LRMDA: variants seen among roughly 807,000 people sequenced by gnomAD.
LRMDA encodes the protein leucine rich melanocyte differentiation associated.
A neutral mutation model predicts 29.8 loss-of-function variants in LRMDA; 18 were observed. The observed-to-expected ratio is 0.60, with a 90% CI of 0.42 to 0.90. The LOEUF (loss-of-function observed/expected upper bound fraction) is 0.90, where lower values mean the gene tolerates loss of function less well. LRMDA is among the 40% of genes least tolerant of loss of function. The pLI, the probability that LRMDA is intolerant of heterozygous loss-of-function variation, is 0.00. For missense variants in LRMDA, 273 were observed against 273.9 expected, an observed-to-expected ratio of 1.00 and a Z score of 0.02; for synonymous variants, 125 against 109.4, an observed-to-expected ratio of 1.14 and a Z score of -0.89.
intron 2 of LRMDA, among the ~76,000 whole-genome samples, chr10:75,499,276 C>T (rs1483449992): frequency 6.6e-6 from 1 of 152,182 alleles, no homozygotes; most frequent in African/African-American, 2.4e-5. Flanking sequence ...TACAGCTATC[C>T]TTGCCTAGTC....
chr10:76,257,692 G>GA (rs1368638197), intron 5 of LRMDA, among the ~76,000 whole-genome samples: 1 of 152,202 alleles, frequency 6.6e-6, no homozygotes, highest in East Asian at 1.9e-4. Context: ...TCAAATTGCT[G>GA]AAAAAATATG....
intron 2 of LRMDA, among the ~76,000 whole-genome samples, chr10:75,711,540 C>T (rs1296269422): frequency 2.0e-5 from 3 of 152,096 alleles, no homozygotes; most frequent in African/African-American, 7.2e-5. Flanking sequence ...AATAGTTTTA[C>T]TAATTTTATT....
At chr10:75,978,787 T>C (rs1270243117) in intron 2 of LRMDA, among the ~76,000 whole-genome samples, 1 of 152,248 alleles carries the variant, frequency 6.6e-6, no homozygotes, top group Non-Finnish European at 1.5e-5. Flanking sequence ...ATATTATAAT[T>C]ACATATCAAA....
intron 2 of LRMDA, among the ~76,000 whole-genome samples, chr10:75,790,637 A>G (rs1424704938): frequency 6.6e-5 from 10 of 152,204 alleles, no homozygotes; most frequent in Non-Finnish European, 1.5e-4. Context: ...TTTCTTATGA[A>G]AACCAAAAGC....
At chr10:76,322,427 A>G (rs902397384) in intron 5 of LRMDA, among the ~76,000 whole-genome samples, 6 of 152,368 alleles carry the variant, frequency 3.9e-5, no homozygotes, top group Admixed American at 2.6e-4. Flanking sequence ...ATTATTTTCC[A>G]TGATGTGAGT....
intron 2 of LRMDA, among the ~76,000 whole-genome samples, chr10:76,012,731 G>A (rs1847806228): frequency 6.6e-6 from 1 of 152,106 alleles, no homozygotes. Context: ...ATCATTAAGT[G>A]GTGTCCTTCC....
At chr10:75,863,527 C>T (rs940566081) in intron 2 of LRMDA, among the ~76,000 whole-genome samples, 5 of 152,088 alleles carry the variant, frequency 3.3e-5, no homozygotes, top group Admixed American at 1.3e-4. Context: ...TACTGCCTAC[C>T]GGCTGTGTGG....
intron 5 of LRMDA, among the ~76,000 whole-genome samples, chr10:76,112,184 C>CCCTGT (rs1034390757): frequency 6.6e-6 from 1 of 152,108 alleles, no homozygotes; most frequent in African/African-American, 2.4e-5. Flanking sequence ...GGACGGGGAC[C>CCCTGT]CCTGTCTCCT....
intron 2 of LRMDA, among the ~76,000 whole-genome samples, chr10:75,800,935 T>C (rs1267146005): frequency 6.6e-6 from 1 of 152,248 alleles, no homozygotes; most frequent in East Asian, 1.9e-4. Flanking sequence ...AAAGTTTGTT[T>C]GTACACTTTG....
chr10:75,483,520 G>T (rs941972829), intron 2 of LRMDA, among the ~76,000 whole-genome samples: 4 of 152,176 alleles, frequency 2.6e-5, no homozygotes, highest in African/African-American at 9.7e-5. Flanking sequence ...ACCATGAAAA[G>T]TGATTTGACC....
chr10:75,941,748 A>T (rs780350482), intron 2 of LRMDA, among the ~76,000 whole-genome samples: 1 of 152,100 alleles, frequency 6.6e-6, no homozygotes, highest in Non-Finnish European at 1.5e-5. Context: ...ACTTGTAAAG[A>T]TTGGGGACTG....
chr10:75,750,338 G>A (rs935158897), intron 2 of LRMDA, among the ~76,000 whole-genome samples: 8 of 151,020 alleles, frequency 5.3e-5, no homozygotes, highest in East Asian at 2.0e-4. Context: ...GCTGCTGGGC[G>A]GAGGGGCTCC....
intron 5 of LRMDA, among the ~76,000 whole-genome samples, chr10:76,178,004 C>T (rs1850972659): frequency 6.6e-6 from 1 of 152,196 alleles, no homozygotes; most frequent in African/African-American, 2.4e-5. Flanking sequence ...GGCTGTTTGC[C>T]ATAGGCTGTC....
At chr10:76,259,063 C>A (rs1839902466) in intron 5 of LRMDA, among the ~76,000 whole-genome samples, 1 of 152,130 alleles carries the variant, frequency 6.6e-6, no homozygotes, top group Non-Finnish European at 1.5e-5. Flanking sequence ...AGTGGCTGTA[C>A]AAATTTACAT....
chr10:76,415,602 ATGTG>A (rs758836213), intron 6 of LRMDA, among the ~76,000 whole-genome samples: 17 of 130,694 alleles, frequency 1.3e-4, no homozygotes, highest in South Asian at 2.6e-4. Flanking sequence ...TGGGGCGTGT[ATGTG>A]TGTGTGTGTG....
At chr10:75,464,756 G>C (rs1440306501) in intron 2 of LRMDA, among the ~76,000 whole-genome samples, 2 of 152,172 alleles carry the variant, frequency 1.3e-5, no homozygotes, top group Non-Finnish European at 2.9e-5. Flanking sequence ...ATACTACTGG[G>C]ATCAGGGGAA....
At chr10:75,469,566 C>T (rs565017174) in intron 2 of LRMDA, among the ~76,000 whole-genome samples, 88 of 142,692 alleles carry the variant, frequency 6.2e-4, no homozygotes, top group Admixed American at 5.2e-3. Context: ...CACTGGCTGC[C>T]CATGTGTGTG....
chr10:75,613,160 A>C (rs2132100708), intron 2 of LRMDA, among the ~76,000 whole-genome samples: 1 of 151,984 alleles, frequency 6.6e-6, no homozygotes, highest in African/African-American at 2.4e-5. Context: ...AGGATTAAAC[A>C]GTAAGAGCAC....
At chr10:75,811,452 C>T (rs572682376) in intron 2 of LRMDA, among the ~76,000 whole-genome samples, 2 of 152,246 alleles carry the variant, frequency 1.3e-5, no homozygotes, top group Admixed American at 6.5e-5. Context: ...GGTGCTGCTG[C>T]GCTCCCTCGG....
Sources: allele counts gnomAD v4.1 joint callset (sites outside exome capture counted in the v4.1 genomes callset), GRCh38; gene constraint gnomAD v4.1.1; transcripts MANE v1.5; gene names NCBI Gene and HGNC (gene_info 2026-07-23, HGNC 2026-07-21).